Variants in ZMAT5 observed in about 807,000 individuals in gnomAD.
The protein encoded by ZMAT5 is zinc finger matrin-type 5.
ZMAT5 carries 23 observed loss-of-function variants against 28.0 expected under a neutral mutation model. The observed-to-expected ratio is 0.82, with a 90% CI of 0.59 to 1.16. ZMAT5 has a LOEUF of 1.16. Among genes scored for constraint, ZMAT5 ranks in the 50% most tolerant of loss-of-function variants. ZMAT5 has a pLI of 0.00. For synonymous variants in ZMAT5, 76 were observed against 84.1 expected, an observed-to-expected ratio of 0.90 and a Z score of 0.52; for missense variants, 173 against 212.7, an observed-to-expected ratio of 0.81 and a Z score of 1.16.
intron 1 of ZMAT5, among the ~76,000 whole-genome samples, chr22:29,757,925 G>A (rs1402472319): frequency 1.3e-5 from 2 of 152,044 alleles, no homozygotes; most frequent in Non-Finnish European, 2.9e-5. Context: ...GCTGAGGCAG[G>A]AGAATTGTTT....
At chr22:29,755,958 G>A (rs1356258083) in intron 1 of ZMAT5, among the ~76,000 whole-genome samples, 1 of 152,258 alleles carries the variant, frequency 6.6e-6, no homozygotes, top group Non-Finnish European at 1.5e-5. Context: ...GTCCTGCCGT[G>A]AGGCTGCTAC....
intron 2 of ZMAT5, chr22:29,746,837 C>T (rs1490214454): frequency 6.6e-6 from 1 of 152,198 alleles, no homozygotes; most frequent in Non-Finnish European, 1.5e-5. Flanking sequence ...TGATCTCGGC[C>T]CAGCTCCCTC....
chr22:29,763,906 C>T (rs1185634543), intron 1 of ZMAT5, among the ~76,000 whole-genome samples: 1 of 149,436 alleles, frequency 6.7e-6, no homozygotes, highest in Admixed American at 6.7e-5. Context: ...GAACTATGAT[C>T]GTGCCACTAC....
intron 2 of ZMAT5, among the ~76,000 whole-genome samples, chr22:29,743,489 G>A (rs934571123): frequency 7.2e-5 from 11 of 152,238 alleles, no homozygotes; most frequent in Middle Eastern, 3.4e-3. Flanking sequence ...GGAGTGCAGC[G>A]GCATGATCTC....
At chr22:29,734,421 G>A (rs889074743) in intron 5 of ZMAT5, among the ~76,000 whole-genome samples, 5 of 152,348 alleles carry the variant, frequency 3.3e-5, no homozygotes, top group African/African-American at 9.6e-5. Flanking sequence ...GGGGGAGGAA[G>A]CAGATACCCT....
At chr22:29,738,196 G>T in intron 5 of ZMAT5, 134 bp downstream of exon 5, 1 of 799,158 alleles carries the variant, frequency 1.3e-6, no homozygotes, top group Non-Finnish European at 2.0e-6. Context: ...TCCTCGGGGA[G>T]CTATGTGTAG....
intron 1 of ZMAT5, among the ~76,000 whole-genome samples, chr22:29,751,683 C>G (rs1488363043): frequency 6.6e-6 from 1 of 152,140 alleles, no homozygotes; most frequent in East Asian, 1.9e-4. Context: ...GTCCCCACTC[C>G]TGATCACATA....
At chr22:29,733,493 C>T (rs1216369067) in intron 5 of ZMAT5, among the ~76,000 whole-genome samples, 1 of 152,256 alleles carries the variant, frequency 6.6e-6, no homozygotes, top group Non-Finnish European at 1.5e-5. Context: ...TGTGAGAGGA[C>T]AGGGACATCC....
chr22:29,760,966 A>G (rs750168573), intron 1 of ZMAT5, among the ~76,000 whole-genome samples: 5 of 152,174 alleles, frequency 3.3e-5, no homozygotes, highest in African/African-American at 4.8e-5. Flanking sequence ...AATAATCTGT[A>G]TATTTTGGAA....
chr22:29,757,891 C>T (rs540492270), intron 1 of ZMAT5, among the ~76,000 whole-genome samples: 1 of 152,176 alleles, frequency 6.6e-6, no homozygotes, highest in Admixed American at 6.5e-5. Flanking sequence ...GGGGCGTGCA[C>T]CTATAGTCCC....
chr22:29,751,231 C>T (rs1013334211), intron 1 of ZMAT5, among the ~76,000 whole-genome samples: 3 of 152,048 alleles, frequency 2.0e-5, no homozygotes, highest in Admixed American at 6.6e-5. Context: ...GGTGGCTCTG[C>T]GGCCTACTTA....
intron 1 of ZMAT5, among the ~76,000 whole-genome samples, chr22:29,752,718 A>T (rs1273222481): frequency 6.6e-6 from 1 of 152,158 alleles, no homozygotes; most frequent in African/African-American, 2.4e-5. Flanking sequence ...ACGCTTTTTT[A>T]AAAAATGTAA....
At chr22:29,742,807 G>C (rs779764353) in intron 2 of ZMAT5, among the ~76,000 whole-genome samples, 1 of 152,064 alleles carries the variant, frequency 6.6e-6, no homozygotes, top group Non-Finnish European at 1.5e-5. Flanking sequence ...TTGTTTTTTA[G>C]AGACAGGGTC....
intron 2 of ZMAT5, among the ~76,000 whole-genome samples, chr22:29,745,023 T>G (rs990078135): frequency 1.3e-5 from 2 of 152,256 alleles, no homozygotes; most frequent in African/African-American, 4.8e-5. Flanking sequence ...GACATTCATC[T>G]GCCAAACATT....
chr22:29,740,276 G>A (rs2067949251), intron 4 of ZMAT5, among the ~76,000 whole-genome samples: 1 of 152,142 alleles, frequency 6.6e-6, no homozygotes, highest in African/African-American at 2.4e-5. Flanking sequence ...TCCCTAGACT[G>A]TCGTAAGGGG....
rs201105681 is a variant in ZMAT5 at position 29,748,454 on chromosome 22, G to C, written c.91C>G (p.Leu31Val). ...RKKHLNGLQH[L>V]KAKKVWYDMF... Reference sequence around the variant, plus strand: ...TCGTACCAGACCTTCTTGGCCTTGAGGTGCTGCAGCCCGTTCAGGTGCTTC... The same window carrying C: ...TCGTACCAGACCTTCTTGGCCTTGACGTGCTGCAGCCCGTTCAGGTGCTTC... The change falls in exon 2 of 6, where the codon CTC becomes GTC. Residue 31 changes from leucine (L) to valine (V), a missense_variant. By Grantham distance (32) the Leu-to-Val change is conservative. Transcript: ENST00000344318. 5.0e-6 allele frequency: 8 copies of C among 1,614,138 alleles called. No individual in the cohort carries two copies. The highest frequency in any genetic ancestry group is 6.8e-6 in the Non-Finnish European group (8 of 1,180,056).
chr22:29,740,771 C>T, intron 3 of ZMAT5, 41 bp from the exon 4 acceptor site: 1 of 1,555,286 alleles, frequency 6.4e-7, no homozygotes. Context: ...TCGGGAGGGG[C>T]TCCCCACAGG....
intron 1 of ZMAT5, among the ~76,000 whole-genome samples, chr22:29,753,545 C>T (rs1228452777): frequency 2.0e-5 from 3 of 151,676 alleles, no homozygotes; most frequent in Admixed American, 2.0e-4. Context: ...AAAAAATTGC[C>T]GGGTGTGGTG....
intron 1 of ZMAT5, among the ~76,000 whole-genome samples, chr22:29,763,362 G>A (rs2068177227): frequency 6.6e-6 from 1 of 151,344 alleles, no homozygotes; most frequent in Non-Finnish European, 1.5e-5. Context: ...CCAGGATTTT[G>A]GGAGGCCGAG....
Sources: gnomAD v4.1 joint callset for allele counts (sites outside exome capture counted in the v4.1 genomes callset) on GRCh38, gnomAD v4.1.1 for gene constraint, MANE v1.5 for transcripts, NCBI Gene and HGNC (gene_info 2026-07-23, HGNC 2026-07-21) for gene names.